The following DNAH2 variants were observed in gnomAD, a reference collection of about 807,000 sequenced individuals.
DNAH2 encodes axonemal beta dynein heavy chain 2.
A neutral mutation model predicts 523.5 loss-of-function variants in DNAH2; 323 were observed. The ratio of observed to expected loss-of-function variants is 0.62; its 90% CI spans 0.56 to 0.68. The LOEUF (loss-of-function observed/expected upper bound fraction) is 0.68, where lower values mean the gene tolerates loss of function less well. Ranked by LOEUF, DNAH2 falls within the 30% of genes least tolerant of loss-of-function variation. The pLI is 0.00. For missense variants in DNAH2, 4,907 were observed against 5,701.5 expected, an observed-to-expected ratio of 0.86 and a Z score of 4.49; for synonymous variants, 2,093 against 2,177.4, an observed-to-expected ratio of 0.96 and a Z score of 1.08.
At chr17:7,749,793 G>A (rs1486055727) in intron 12 of DNAH2, among the ~76,000 whole-genome samples, 3 of 152,046 alleles carry the variant, frequency 2.0e-5, no homozygotes, top group East Asian at 1.9e-4. Flanking sequence ...TCAGGAGTTC[G>A]AGACCAGCCT....
chr17:7,807,448 C>T lies in DNAH2; in HGVS notation c.9613-22C>T. ...TTGGTGGGTTGGTGGGCGACTCCCACAGCCTGACTGTCTCCCCACAGCTGT... is the reference window on the plus strand; with the variant it reads ...TTGGTGGGTTGGTGGGCGACTCCCATAGCCTGACTGTCTCCCCACAGCTGT... On this transcript the variant is annotated intron_variant, in intron 62 of 85. Transcript: ENST00000572933. The surrounding 1 kb of genome is among the most constrained non-coding windows in gnomAD (Gnocchi z 5.6). 1 of 1,612,296 alleles carries T rather than the reference C, an allele frequency of 6.2e-7. No individual in the cohort carries two copies. The highest frequency in any genetic ancestry group is 1.1e-5 in the South Asian group (1 of 91,072).
chr17:7,739,793 T>G lies in DNAH2; in HGVS notation c.1231T>G (p.Cys411Gly), dbSNP rs780757251. 7 of 1,614,018 alleles carry G rather than the reference T, an allele frequency of 4.3e-6. No individual in the cohort carries two copies. The South Asian group carries it at 7.7e-5, about 18-fold the overall frequency. The change falls in exon 9 of 86, where the codon TGC becomes GGC. Residue 411 changes from cysteine (C) to glycine (G), a missense_variant. Physicochemically the swap from Cys to Gly is radical, Grantham distance 159. Coordinates refer to ENST00000572933, the MANE Select transcript of DNAH2 (RefSeq NM_020877.5). ...AGATGGCAAGCAGGGTCCCCTTCCT[T>G]GCTTCTTTGGTGCCCAGGGGCCACA... ...WEDGKQGPLP[C>G]FFGAQGPQIT... is the part of the protein sequence containing the mutation.
rs267605085 is a variant in DNAH2 at position 7,763,957 on chromosome 17, C to T, written c.3105C>T (p.Phe1035=). ...ACTGCAATGAATGGCAGAACAAGTT[C>T]GCGACTCTGCTCAGGGAGATGGCTG... ...VQHCNEWQNK[F]ATLLREMAAG... The change falls in exon 19 of 86, where the codon TTC becomes TTT. Residue 1035 remains phenylalanine (F), a synonymous_variant. Coordinates refer to ENST00000572933, the MANE Select transcript of DNAH2 (RefSeq NM_020877.5). 6.7e-5 allele frequency: 108 copies of T among 1,614,068 alleles called. No individual in the cohort carries two copies. The highest frequency in any genetic ancestry group is 1.0e-4 in the Admixed American group (6 of 59,996).
intron 48 of DNAH2, among the ~76,000 whole-genome samples, chr17:7,793,851 T>G (rs1429819178): frequency 1.3e-5 from 2 of 152,086 alleles, no homozygotes; most frequent in Non-Finnish European, 2.9e-5. Context: ...ACTCGCCTAG[T>G]GCTATATTCA....
chr17:7,741,141 G>A lies in DNAH2; in HGVS notation c.1689+149G>A, dbSNP rs926428489. On this transcript the variant is annotated intron_variant, in intron 11 of 85. Transcript: ENST00000572933. ...CAGGTCCAGTTCAGTGAGGTCAGTC[G>A]TGGGTTAAGATCTGCAGAGGTGGTG... 3.6e-5 allele frequency: 34 copies of A among 953,934 alleles called. No homozygotes were observed. In the East Asian group the frequency reaches 8.7e-4, roughly 24 times the overall value. 59.1% of individuals were successfully genotyped at this position (953,934 alleles called of 1,614,324 possible). A position where few individuals can be genotyped will look rare whatever the true frequency, so the allele number is the denominator to read the frequency against.
At chr17:7,741,368 G>GT (rs1350564722) in intron 11 of DNAH2, among the ~76,000 whole-genome samples, 39 of 63,856 alleles carry the variant, frequency 6.1e-4, no homozygotes, top group African/African-American at 2.1e-3. Flanking sequence ...CTTTCTTTTT[G>GT]TTTTTTTGAG....
intron 49 of DNAH2, 96 bp from the exon 50 acceptor site, chr17:7,796,368 C>A: frequency 7.2e-7 from 1 of 1,381,328 alleles, no homozygotes; most frequent in Non-Finnish European, 9.7e-7. Context: ...TTTTTGACAC[C>A]CCCTTAAATT....
intron 44 of DNAH2, 102 bp downstream of exon 44, chr17:7,788,346 G>A (rs1356396818): frequency 7.2e-7 from 1 of 1,386,780 alleles, no homozygotes; most frequent in African/African-American, 1.5e-5. Flanking sequence ...TGAACTCCAG[G>A]CTTGAGTGGA....
intron 2 of DNAH2, among the ~76,000 whole-genome samples, 198 bp downstream of exon 2, chr17:7,720,098 C>T (rs1179479348): frequency 6.6e-6 from 1 of 152,200 alleles, no homozygotes; most frequent in Non-Finnish European, 1.5e-5. Flanking sequence ...TGGCCAGCCT[C>T]ATCCTTGTTC....
Position 7,780,668 on chromosome 17 carries a change from T to C in DNAH2, c.5889T>C (p.Ala1963=). 4 of 1,614,232 alleles carry C rather than the reference T, an allele frequency of 2.5e-6. No homozygotes were observed. In the South Asian group the frequency reaches 4.4e-5, roughly 18 times the overall value. The change falls in exon 38 of 86, where the codon GCT becomes GCC. Residue 1963 remains alanine (A), a synonymous_variant. Transcript: ENST00000572933. This position sits in a 1 kb window ranked among gnomAD's most constrained non-coding sequence, Gnocchi z 4.4. Reference sequence around the variant, plus strand: ...AGGTGTACACACTCTACTCACTGGCTGTGCAGCAGCTGTCCAGACAGGACC... The same window carrying C: ...AGGTGTACACACTCTACTCACTGGCCGTGCAGCAGCTGTCCAGACAGGACC... ...AKKVYTLYSL[A]VQQLSRQDHY... is the part of the protein sequence containing the mutation.
At position 7,725,526 on chromosome 17, in the gene DNAH2, G is replaced by A. The variant is rs533686746; in HGVS notation, c.229-1596G>A. On this transcript the variant is annotated intron_variant, in intron 3 of 85. Coordinates refer to ENST00000572933, the MANE Select transcript of DNAH2 (RefSeq NM_020877.5). ...CAGCTCACTGCAACCTCCGCCTCCC[G>A]GGCTCAAGCAATTCTCCTGCCTCAG... Among the ~76,000 whole-genome samples the A allele has an allele frequency of 7.0e-3, 1,050 of 149,302 alleles. 9 individuals carry two copies. Among genetic ancestry groups the A allele is most frequent in the African/African-American group, 0.025 (1,002 of 40,470 alleles).
chr17:7,723,849 A>G (rs2151118535), intron 3 of DNAH2, among the ~76,000 whole-genome samples, 160 bp downstream of exon 3: 1 of 152,212 alleles, frequency 6.6e-6, no homozygotes. Flanking sequence ...TCACTGAGTA[A>G]AAGACAAAGT....
At position 7,774,875 on chromosome 17, in the gene DNAH2, G is replaced by C. The variant is rs2076406413; in HGVS notation, c.4618G>C (p.Asp1540His). Residue 1540 changes from aspartate (D) to histidine (H), a missense_variant, in exon 29 of 86, where the codon GAT (aspartate) becomes CAT (histidine). Physicochemically the swap from Asp to His is moderately conservative, Grantham distance 81. Around this residue, in one of 3 missense-constraint regions of DNAH2, gnomAD observed 2,806 missense variants for 3,190.8 expected, o/e 0.88. Transcript: ENST00000572933. ...IFPRFYFLSN[D>H]DLLEILGQSR... ...CCCCCGCTTCTACTTCTTGTCCAAT[G>C]ATGACCTGCTGGAGATTCTGGGCCA... The C allele has an allele frequency of 2.5e-6, 4 of 1,614,216 alleles. No individual in the cohort carries two copies. The highest frequency in any genetic ancestry group is 1.3e-5 in the African/African-American group (1 of 75,042).
At position 7,754,608 on chromosome 17, in the gene DNAH2, C is replaced by G. The variant is rs2151185413; in HGVS notation, c.1905-2483C>G. 6.6e-7 allele frequency: 1 copy of G among 1,507,390 alleles called. No homozygotes were observed. The highest frequency in any genetic ancestry group is 9.1e-7 in the Non-Finnish European group (1 of 1,099,170). The allele number at this position is 1,507,390 out of a possible 1,614,324, so 93.4% of individuals were successfully genotyped here. ...TCCACGTGCCGAGGCTCTCAAGGCC[C>G]TCGTAAAGCCCAAGGAGGTTAAGCC... On this transcript the variant is annotated intron_variant, in intron 12 of 85. Transcript: ENST00000572933. This position sits in a 1 kb window ranked among gnomAD's most constrained non-coding sequence, Gnocchi z 4.6.
intron 71 of DNAH2, 61 bp downstream of exon 71, chr17:7,819,124 G>A: frequency 6.2e-7 from 1 of 1,602,488 alleles, no homozygotes; most frequent in Non-Finnish European, 8.5e-7. Context: ...ACTCCATCAT[G>A]ACGGCTCGAG....
rs201672376 is a variant in DNAH2 at position 7,792,077 on chromosome 17, G to A, written c.7053+8G>A. On this transcript the variant is annotated splice_region_variant and intron_variant, in intron 45 of 85. Transcript: ENST00000572933. Reference sequence around the variant, plus strand: ...GGCTCCTTTCCCAATAAGGTTGGGCGCACACCTGGCTGTCCTATTTGCCCT... The same window carrying A: ...GGCTCCTTTCCCAATAAGGTTGGGCACACACCTGGCTGTCCTATTTGCCCT... 2.7e-5 allele frequency: 44 copies of A among 1,612,452 alleles called. No homozygotes were observed. The East Asian group carries it at 3.3e-4, about 12-fold the overall frequency.
Position 7,819,251 on chromosome 17 carries a change from G to T in DNAH2, c.10858G>T (p.Val3620Leu). The T allele has an allele frequency of 6.2e-7, 1 of 1,614,094 alleles. No homozygotes were observed. The highest frequency in any genetic ancestry group is 8.5e-7 in the Non-Finnish European group (1 of 1,180,044). The change falls in exon 72 of 86, where the codon GTG (valine) becomes TTG (leucine). Residue 3620 changes from valine (V) to leucine (L), a missense_variant. Physicochemically the swap from Val to Leu is conservative, Grantham distance 32. Coordinates refer to ENST00000572933, the MANE Select transcript of DNAH2 (RefSeq NM_020877.5). ...CAQRASILFF[V>L]LNDMGCIDPM... Reference sequence around the variant, plus strand: ...CCAGCGGGCATCAATCCTGTTCTTCGTGCTCAATGATATGGGCTGCATCGA... The same window carrying T: ...CCAGCGGGCATCAATCCTGTTCTTCTTGCTCAATGATATGGGCTGCATCGA...
chr17:7,806,837 G>A (rs541733504), intron 61 of DNAH2, among the ~76,000 whole-genome samples: 5 of 152,068 alleles, frequency 3.3e-5, no homozygotes, highest in African/African-American at 9.6e-5. Flanking sequence ...TGCCAGTCTC[G>A]GTTTGGTGAT....
In DNAH2 at chr17:7,779,291, G is replaced by T. The variant is rs767507098; in HGVS notation, c.5590G>T (p.Val1864Leu). The change falls in exon 36 of 86, where the codon GTG (valine) becomes TTG (leucine). Residue 1864 changes from valine to leucine, a missense_variant. Val to Leu is a conservative substitution (Grantham distance 32). Transcript: ENST00000572933. ...TGAGTTTAACCGCATCAACATCGAG[G>T]TGCTGTCAGTGGTGGCCCACCAGAT... The part of the protein sequence containing the change: ...FDEFNRINIE[V>L]LSVVAHQILC... 3.7e-6 allele frequency: 6 copies of T among 1,614,192 alleles called. No homozygotes were observed. In the South Asian group the frequency reaches 5.5e-5, roughly 15 times the overall value.
Sources: allele counts gnomAD v4.1 joint callset (sites outside exome capture counted in the v4.1 genomes callset), GRCh38; gene constraint gnomAD v4.1.1; regional missense constraint gnomAD v4.1.1; non-coding constraint Gnocchi (gnomAD v3.1); transcripts MANE v1.5; gene names NCBI Gene and HGNC (gene_info 2026-07-23, HGNC 2026-07-21).